Variants in ABLIM1 observed in about 807,000 individuals in gnomAD.
The protein encoded by ABLIM1 is actin-binding LIM protein 1.
In ABLIM1, 40 loss-of-function variants were observed where a neutral mutation model predicts 107.0. The observed-to-expected ratio is 0.37, with a 90% CI of 0.29 to 0.49. ABLIM1 has a LOEUF of 0.49. Ranked by LOEUF, ABLIM1 falls within the 20% of genes least tolerant of loss-of-function variation. The pLI is 0.97. For synonymous variants in ABLIM1, 357 were observed against 357.3 expected (o/e 1.00, Z 0.01); for missense variants, 857 against 1,008.5 (o/e 0.85, Z 2.04).
At chr10:114,625,444 T>C (rs764086764) in intron 1 of ABLIM1, among the ~76,000 whole-genome samples, 1 of 152,114 alleles carries the variant, frequency 6.6e-6, no homozygotes, top group Non-Finnish European at 1.5e-5. Flanking sequence ...GCTCCTAAGG[T>C]TGTTTTACAA....
intron 1 of ABLIM1, among the ~76,000 whole-genome samples, chr10:114,719,949 G>T (rs1393880870): frequency 2.0e-5 from 3 of 152,130 alleles, no homozygotes; most frequent in Non-Finnish European, 4.4e-5. Flanking sequence ...TGCCACAGTG[G>T]TTTGCTGCAC....
At chr10:114,669,117 A>C (rs1463866893) in intron 1 of ABLIM1, among the ~76,000 whole-genome samples, 1 of 152,228 alleles carries the variant, frequency 6.6e-6, no homozygotes, top group African/African-American at 2.4e-5. Context: ...TCTAGGCTCA[A>C]ATTTACTCAA....
At chr10:114,485,521 T>C (rs1343795796) in intron 8 of ABLIM1, 3 of 731,008 alleles carry the variant, frequency 4.1e-6, no homozygotes, top group South Asian at 2.1e-5. Flanking sequence ...GATTCTTTCA[T>C]TGATGTACAT....
intron 1 of ABLIM1, among the ~76,000 whole-genome samples, chr10:114,648,791 T>A (rs1036357125): frequency 2.0e-5 from 3 of 152,162 alleles, no homozygotes; most frequent in Non-Finnish European, 1.5e-5. Context: ...AGGCACTTAC[T>A]ACCTGGTAGG....
chr10:114,636,288 G>A (rs1380993441), intron 1 of ABLIM1, among the ~76,000 whole-genome samples: 1 of 152,190 alleles, frequency 6.6e-6, no homozygotes, highest in African/African-American at 2.4e-5. Flanking sequence ...AGAGGCTCAA[G>A]ATGAGGCTGG....
intron 12 of ABLIM1, among the ~76,000 whole-genome samples, chr10:114,454,919 C>CT (rs1300816642): frequency 6.6e-6 from 1 of 152,212 alleles, no homozygotes; most frequent in East Asian, 1.9e-4. Flanking sequence ...TGTCTTTTCA[C>CT]TTTTTTGGTG....
chr10:114,773,971 T>C, the ABLIM1 span, among the ~76,000 whole-genome samples: 1 of 151,592 alleles, frequency 6.6e-6, no homozygotes, highest in Non-Finnish European at 1.5e-5. Flanking sequence ...TAAATCCAAC[T>C]AAATATCAAT....
chr10:114,707,770 G>A lies in ABLIM1; in HGVS notation c.-213+60291C>T, dbSNP rs563498448. 3.2e-4 allele frequency among the ~76,000 whole-genome samples: 49 copies of A among 152,082 alleles called. No individual in the cohort carries two copies. The highest frequency in any genetic ancestry group is 9.9e-4 in the African/African-American group (41 of 41,506). On this transcript the variant is annotated intron_variant, in intron 1 of 15. Coordinates refer to the ABLIM1 transcript ENST00000651092. This position sits in a 1 kb window ranked among gnomAD's most constrained non-coding sequence, Gnocchi z 4.1. Reference sequence around the variant, plus strand: ...ACAAAAATTAGCCAGGCGTGGTGGCGGGTGCCTGTCATCCCAGCTACTCGG... The same window carrying A: ...ACAAAAATTAGCCAGGCGTGGTGGCAGGTGCCTGTCATCCCAGCTACTCGG...
chr10:114,670,437 A>G (rs533502611), intron 1 of ABLIM1, among the ~76,000 whole-genome samples: 1 of 152,356 alleles, frequency 6.6e-6, no homozygotes, highest in South Asian at 2.1e-4. Flanking sequence ...ATCTATTGAG[A>G]AATGGAAATA....
intron 7 of ABLIM1, 131 bp from the exon 8 acceptor site, chr10:114,488,147 A>C: frequency 1.0e-6 from 1 of 960,280 alleles, no homozygotes; most frequent in Non-Finnish European, 1.7e-6. Flanking sequence ...TTTATGTCCA[A>C]GTGAATCATA....
chr10:114,494,161 G>T (rs2059381222), intron 6 of ABLIM1, among the ~76,000 whole-genome samples: 1 of 152,184 alleles, frequency 6.6e-6, no homozygotes, highest in Non-Finnish European at 1.5e-5. Context: ...CGAAAGAATG[G>T]ATTAATAAAT....
intron 2 of ABLIM1, among the ~76,000 whole-genome samples, chr10:114,601,371 T>C (rs1242886058): frequency 1.3e-5 from 2 of 151,812 alleles, no homozygotes; most frequent in Non-Finnish European, 2.9e-5. Flanking sequence ...TTCAAGCGAT[T>C]CTCCTGCCTC....
At chr10:114,454,630 A>C (rs1255446233) in intron 12 of ABLIM1, among the ~76,000 whole-genome samples, 1 of 152,136 alleles carries the variant, frequency 6.6e-6, no homozygotes, top group Non-Finnish European at 1.5e-5. Context: ...AGCCACCATC[A>C]CTCCCTTCTG....
chr10:114,571,424 T>C lies in ABLIM1; in HGVS notation c.564-18A>G. 1 of 1,609,726 alleles carries C rather than the reference T, an allele frequency of 6.2e-7. No homozygotes were observed. ...ACGGGCGCCTGGAGGCAGAAAGACA[T>C]CGCCCTCAAGGTTATTGCAGCAATT... On this transcript the variant is annotated intron_variant, in intron 3 of 22. Coordinates refer to ENST00000533213, the MANE Select transcript of ABLIM1 (RefSeq NM_002313.7).
At chr10:114,733,522 C>T (rs1188524874) in intron 1 of ABLIM1, among the ~76,000 whole-genome samples, 2 of 152,170 alleles carry the variant, frequency 1.3e-5, no homozygotes, top group Non-Finnish European at 2.9e-5. Context: ...TTGTAGCATG[C>T]TGAGCTAAAG....
intron 6 of ABLIM1, among the ~76,000 whole-genome samples, chr10:114,523,530 A>T (rs1177045818): frequency 6.6e-6 from 1 of 151,602 alleles, no homozygotes; most frequent in Non-Finnish European, 1.5e-5. Context: ...AACCATGAAG[A>T]AGCATTAACC....
At chr10:114,451,453 G>A (rs2061883363) in intron 14 of ABLIM1, among the ~76,000 whole-genome samples, 171 bp downstream of exon 14, 1 of 152,148 alleles carries the variant, frequency 6.6e-6, no homozygotes, top group African/African-American at 2.4e-5. Flanking sequence ...CTCCATCCAG[G>A]AGAATCAATT....
At chr10:114,555,100 C>T (rs1320794272) in intron 4 of ABLIM1, among the ~76,000 whole-genome samples, 1 of 152,174 alleles carries the variant, frequency 6.6e-6, no homozygotes, top group Non-Finnish European at 1.5e-5. Flanking sequence ...TTCCTCTTCC[C>T]TTTAAAACAT....
In ABLIM1 at chr10:114,526,988, G is replaced by A. The variant is rs926055268; in HGVS notation, c.894+18017C>T. 5.1e-6 allele frequency: 5 copies of A among 984,798 alleles called. No individual in the cohort carries two copies. In the African/African-American group the frequency reaches 5.2e-5, roughly 10 times the overall value. The allele number at this position is 984,798 out of a possible 1,614,324, so 61.0% of individuals were successfully genotyped here. ...TGGGCCAGTCCATGTTCCCAAAAAA[G>A]GAGGGGGAGTAGATTTACTTTCTTT... On this transcript the variant is annotated intron_variant, in intron 6 of 22. Coordinates refer to ENST00000533213, the MANE Select transcript of ABLIM1 (RefSeq NM_002313.7).
Sources: gnomAD v4.1 joint callset for allele counts (sites outside exome capture counted in the v4.1 genomes callset) on GRCh38, gnomAD v4.1.1 for gene constraint, Gnocchi (gnomAD v3.1) non-coding constraint, MANE v1.5 for transcripts, NCBI Gene and HGNC (gene_info 2026-07-23, HGNC 2026-07-21) for gene names.